MAPKAP1: variants seen among roughly 807,000 people sequenced by gnomAD.
MAPKAP1 encodes target of rapamycin complex 2 subunit MAPKAP1.
Under a neutral mutation model 65.7 loss-of-function variants are expected in MAPKAP1, and 20 were observed. The observed-to-expected ratio is 0.30, with a 90% CI of 0.21 to 0.44. The LOEUF (loss-of-function observed/expected upper bound fraction) is 0.44, where lower values mean the gene tolerates loss of function less well. Among genes scored for constraint, MAPKAP1 ranks in the 20% least tolerant of loss-of-function variants. MAPKAP1 has a pLI of 1.00. For missense variants in MAPKAP1, 423 were observed against 648.0 expected (o/e 0.65, Z 3.77); for synonymous variants, 222 against 244.3 (o/e 0.91, Z 0.85).
At chr9:125,480,975 G>GAAAAAA (rs536367888) in intron 9 of MAPKAP1, among the ~76,000 whole-genome samples, 1 of 108,682 alleles carries the variant, frequency 9.2e-6, no homozygotes, top group South Asian at 3.1e-4. Context: ...CCGTTTCGGG[G>GAAAAAA]AAAAAAAAAA....
chr9:125,574,415 G>A (rs1831330927), intron 5 of MAPKAP1, among the ~76,000 whole-genome samples: 1 of 152,226 alleles, frequency 6.6e-6, no homozygotes, highest in South Asian at 2.1e-4. Context: ...CTGGGAGTCA[G>A]AATAGGAAGG....
At chr9:125,576,783 G>A (rs1451380042) in intron 5 of MAPKAP1, among the ~76,000 whole-genome samples, 1 of 152,246 alleles carries the variant, frequency 6.6e-6, no homozygotes, top group Admixed American at 6.5e-5. Flanking sequence ...GGCCTCCCGA[G>A]GTGCTGGGAT....
At chr9:125,567,729 A>G (rs925111414) in intron 5 of MAPKAP1, 2 of 152,162 alleles carry the variant, frequency 1.3e-5, no homozygotes, top group African/African-American at 4.8e-5. Flanking sequence ...CCTGTCCTGT[A>G]ACATCTTCCT....
intron 4 of MAPKAP1, among the ~76,000 whole-genome samples, chr9:125,632,718 G>A (rs1421407306): frequency 6.6e-6 from 1 of 152,136 alleles, no homozygotes; most frequent in Non-Finnish European, 1.5e-5. Context: ...TTCTCATTCA[G>A]GTCCCTGACA....
rs142991921 is a variant in MAPKAP1 at position 125,568,261 on chromosome 9, T to C, written c.672-8452A>G. Among the ~76,000 whole-genome samples, 1,519 of 152,290 alleles carry C rather than the reference T, an allele frequency of 1.0e-2. 21 individuals are homozygous for C. Among genetic ancestry groups the C allele is most frequent in the African/African-American group, 0.035 (1,436 of 41,542 alleles). On this transcript the variant is annotated intron_variant, in intron 5 of 11. Transcript: ENST00000265960. The stretch of plus-strand genomic sequence containing the variant: ...TGGCACTATGGGATGTTAACTGTTA[T>C]TCTCTTTGGATTAATCCGCCTTGCA...
chr9:125,483,507 C>T (rs1470126722), intron 9 of MAPKAP1, among the ~76,000 whole-genome samples: 2 of 152,248 alleles, frequency 1.3e-5, no homozygotes, highest in South Asian at 4.1e-4. Context: ...AATAAATGAA[C>T]CCTAAGAGTT....
At chr9:125,565,717 T>G in intron 5 of MAPKAP1, 1 of 371,186 alleles carries the variant, frequency 2.7e-6, no homozygotes, top group Non-Finnish European at 5.3e-6. Flanking sequence ...TTAGATAACT[T>G]CCTGATCCTC....
intron 2 of MAPKAP1, 93 bp downstream of exon 2, chr9:125,672,223 C>T: frequency 1.4e-6 from 2 of 1,386,582 alleles, no homozygotes; most frequent in Non-Finnish European, 2.0e-6. Flanking sequence ...CCGGAAACAT[C>T]CCCCATTAAG....
intron 7 of MAPKAP1, among the ~76,000 whole-genome samples, chr9:125,523,546 T>C (rs1829678043): frequency 6.6e-6 from 1 of 152,236 alleles, no homozygotes; most frequent in Non-Finnish European, 1.5e-5. Flanking sequence ...AATGGGTGGA[T>C]GATAGTATCT....
Position 125,672,598 on chromosome 9 carries a change from A to C in MAPKAP1, c.-24T>G. The C allele has an allele frequency of 6.2e-7, 1 of 1,611,382 alleles. No individual in the cohort carries two copies. Among genetic ancestry groups the C allele is most frequent in the Non-Finnish European group, 8.5e-7 (1 of 1,177,886 alleles). On this transcript the variant is annotated 5_prime_UTR_variant, in exon 2 of 12. Transcript: ENST00000265960. ...ATCCTTTCTGTGGGCCAATTTCCTT[A>C]AAAGGCTATTTTCTCCTCTTCATAT... is the stretch of plus-strand genomic sequence containing the variant.
At chr9:125,468,780 C>T (rs1043762844) in intron 9 of MAPKAP1, among the ~76,000 whole-genome samples, 1 of 152,278 alleles carries the variant, frequency 6.6e-6, no homozygotes, top group South Asian at 2.1e-4. Context: ...GGGCGAGACT[C>T]GGCACTGGGT....
intron 3 of MAPKAP1, among the ~76,000 whole-genome samples, chr9:125,667,830 G>T (rs1488003213): frequency 6.6e-6 from 1 of 152,164 alleles, no homozygotes; most frequent in Non-Finnish European, 1.5e-5. Flanking sequence ...ATCAAGAAGA[G>T]ATTAATAAGA....
intron 10 of MAPKAP1, among the ~76,000 whole-genome samples, chr9:125,452,463 C>T (rs1852992100): frequency 1.3e-5 from 2 of 152,238 alleles, no homozygotes; most frequent in South Asian, 4.2e-4. Context: ...TGCTTCTTTT[C>T]CTGTCATCCT....
At chr9:125,679,124 C>A (rs1834744698) in intron 1 of MAPKAP1, among the ~76,000 whole-genome samples, 1 of 152,054 alleles carries the variant, frequency 6.6e-6, no homozygotes, top group Non-Finnish European at 1.5e-5. Flanking sequence ...GCCTCAGCCT[C>A]CTGAGTGGCT....
At chr9:125,693,666 C>CATACACGTAT (rs1554844597) in intron 1 of MAPKAP1, among the ~76,000 whole-genome samples, 5 of 134,378 alleles carry the variant, frequency 3.7e-5, no homozygotes, top group South Asian at 4.6e-4. Flanking sequence ...CATACACACA[C>CATACACGTAT]ATATACACGT....
chr9:125,644,436 T>C (rs1192849566), intron 4 of MAPKAP1, among the ~76,000 whole-genome samples: 2 of 152,158 alleles, frequency 1.3e-5, no homozygotes, highest in East Asian at 1.9e-4. Context: ...TGCAACACAA[T>C]TGTCCCTTTG....
At chr9:125,514,061 A>G (rs1287181747) in intron 7 of MAPKAP1, among the ~76,000 whole-genome samples, 1 of 152,172 alleles carries the variant, frequency 6.6e-6, no homozygotes, top group Non-Finnish European at 1.5e-5. Flanking sequence ...CTGAGCTCAC[A>G]TGTCCACCCC....
At chr9:125,659,501 T>C (rs377639369) in intron 3 of MAPKAP1, among the ~76,000 whole-genome samples, 1 of 152,156 alleles carries the variant, frequency 6.6e-6, no homozygotes, top group African/African-American at 2.4e-5. Flanking sequence ...AACTTTTGCA[T>C]GCTCTCATCT....
intron 5 of MAPKAP1, among the ~76,000 whole-genome samples, chr9:125,577,311 C>G (rs1005877124): frequency 3.3e-5 from 5 of 149,538 alleles, no homozygotes; most frequent in African/African-American, 1.2e-4. Flanking sequence ...AGTGAGGAGC[C>G]CCTCCGCCCG....
Sources: gnomAD v4.1 joint callset for allele counts (sites outside exome capture counted in the v4.1 genomes callset) on GRCh38, gnomAD v4.1.1 for gene constraint, MANE v1.5 for transcripts, NCBI Gene and HGNC (gene_info 2026-07-23, HGNC 2026-07-21) for gene names.